Variants in ZFPM2 observed in about 807,000 individuals in gnomAD.
ZFPM2 encodes the protein zinc finger protein ZFPM2.
Under a neutral mutation model 98.6 loss-of-function variants are expected in ZFPM2, and 20 were observed. The observed-to-expected ratio is 0.20, with a 90% confidence interval of 0.14 to 0.29. The LOEUF is 0.29. Among genes scored for constraint, ZFPM2 ranks in the 10% least tolerant of loss-of-function variants. The probability of loss-of-function intolerance (pLI) is 1.00; values close to 1 mark genes in which losing one functional copy is unlikely to be tolerated. For synonymous variants in ZFPM2, 518 were observed against 502.7 expected, an observed-to-expected ratio of 1.03 and a Z score of -0.41; for missense variants, 1,310 against 1,388.6, an observed-to-expected ratio of 0.94 and a Z score of 0.90.
At chr8:105,675,937 T>TA (rs1458163161) in intron 5 of ZFPM2, 1 of 152,178 alleles carries the variant, frequency 6.6e-6, no homozygotes, top group Non-Finnish European at 1.5e-5. Context: ...GTCACACAGT[T>TA]AGCAAAATGT....
At chr8:105,377,821 A>G (rs1257695022) in intron 1 of ZFPM2, among the ~76,000 whole-genome samples, 1 of 151,950 alleles carries the variant, frequency 6.6e-6, no homozygotes, top group Non-Finnish European at 1.5e-5. Flanking sequence ...ATGAATAGAT[A>G]TTTGGATACC....
intron 1 of ZFPM2, among the ~76,000 whole-genome samples, chr8:105,353,280 C>CT (rs1333909979): frequency 2.0e-5 from 3 of 152,146 alleles, no homozygotes; most frequent in African/African-American, 7.2e-5. Flanking sequence ...TCAATTCACT[C>CT]TGTGTTCTGT....
chr8:105,495,058 A>C (rs1813433876), intron 3 of ZFPM2, among the ~76,000 whole-genome samples: 1 of 152,214 alleles, frequency 6.6e-6, no homozygotes, highest in Non-Finnish European at 1.5e-5. Flanking sequence ...GCTATACAAA[A>C]AAAGGCAGTG....
intron 3 of ZFPM2, among the ~76,000 whole-genome samples, chr8:105,560,504 A>G (rs1003734025): frequency 1.3e-5 from 2 of 151,830 alleles, no homozygotes; most frequent in Admixed American, 1.3e-4. Flanking sequence ...TAATTATTTT[A>G]AAGACAGGCT....
chr8:105,539,912 G>T (rs1233948663), intron 3 of ZFPM2, among the ~76,000 whole-genome samples: 1 of 151,862 alleles, frequency 6.6e-6, no homozygotes, highest in Non-Finnish European at 1.5e-5. Context: ...AAAGAATTTG[G>T]GCTTCATGTA....
chr8:105,543,147 G>A (rs1814615995), intron 3 of ZFPM2, among the ~76,000 whole-genome samples: 1 of 152,118 alleles, frequency 6.6e-6, no homozygotes, highest in Admixed American at 6.6e-5. Flanking sequence ...AAATCTCCTG[G>A]ATTAAAGTCG....
intron 1 of ZFPM2, among the ~76,000 whole-genome samples, chr8:105,371,015 T>C (rs1269653863): frequency 6.6e-6 from 1 of 152,236 alleles, no homozygotes; most frequent in South Asian, 2.1e-4. Flanking sequence ...CTACTGACTC[T>C]GTGATGCTAA....
chr8:105,747,899 G>A (rs533072713), intron 5 of ZFPM2, among the ~76,000 whole-genome samples: 9 of 152,172 alleles, frequency 5.9e-5, no homozygotes, highest in South Asian at 4.1e-4. Context: ...TTAATATTTC[G>A]TGGTTGAGCT....
At chr8:105,752,895 A>C (rs533718969) in intron 5 of ZFPM2, among the ~76,000 whole-genome samples, 1 of 152,154 alleles carries the variant, frequency 6.6e-6, no homozygotes, top group Non-Finnish European at 1.5e-5. Context: ...CAGTTTGTAC[A>C]AGGTTTTCAA....
chr8:105,526,838 T>G (rs1056551239), intron 3 of ZFPM2, among the ~76,000 whole-genome samples: 2 of 152,206 alleles, frequency 1.3e-5, no homozygotes, highest in Non-Finnish European at 2.9e-5. Context: ...TGTAAATTCA[T>G]AGCTGGGCAT....
At position 105,620,493 on chromosome 8, in the gene ZFPM2, TC is replaced by T. The variant is rs1816515898; in HGVS notation, c.421-13752del. On this transcript the variant is annotated intron_variant, in intron 4 of 7. Coordinates refer to ENST00000407775, the MANE Select transcript of ZFPM2 (RefSeq NM_012082.4). ...CCCATTCTGTAGGTTGTCTGTTCAC[TC>T]TGATGGTAGTTTCTTTTGTTGTGCA... 8.5e-5 allele frequency among the ~76,000 whole-genome samples: 13 copies of T among 152,342 alleles called. No homozygotes were observed. In the South Asian group the frequency reaches 2.7e-3, roughly 32 times the overall value.
At chr8:105,768,195 C>T (rs1362736724) in intron 5 of ZFPM2, among the ~76,000 whole-genome samples, 1 of 151,258 alleles carries the variant, frequency 6.6e-6, no homozygotes, top group Non-Finnish European at 1.5e-5. Context: ...TCCTTCATTA[C>T]CATTTGTAGA....
chr8:105,802,410 C>T lies in ZFPM2; in HGVS notation c.2328C>T (p.Pro776=), dbSNP rs756454547. 1.2e-6 allele frequency: 2 copies of T among 1,613,746 alleles called. No homozygotes were observed. Among genetic ancestry groups the T allele is most frequent in the Admixed American group, 3.3e-5 (2 of 59,990 alleles). ...LNNPCTSTQE[P]TEGLGECYHP... ...ATCCTTGTACCTCCACTCAAGAACC[C>T]ACAGAAGGGCTAGGAGAGTGCTACC... is the stretch of plus-strand genomic sequence containing the variant. Residue 776 remains proline (P), a synonymous_variant, in exon 8 of 8, where the codon CCC becomes CCT. Transcript: ENST00000407775.
At chr8:105,496,176 A>T (rs564217091) in intron 3 of ZFPM2, among the ~76,000 whole-genome samples, 185 of 152,004 alleles carry the variant, frequency 1.2e-3, no homozygotes, top group African/African-American at 4.0e-3. Context: ...ATTTATTTAT[A>T]TATTTATTTT....
intron 5 of ZFPM2, among the ~76,000 whole-genome samples, chr8:105,651,586 AT>A (rs1312077559): frequency 6.6e-6 from 1 of 152,082 alleles, no homozygotes; most frequent in Non-Finnish European, 1.5e-5. Context: ...ACCATTAAAT[AT>A]TTAGTGTGTA....
rs1176381561 is a variant in ZFPM2, at chr8:105,341,417, TAAC to T, written c.40+22439_40+22441del. 4.6e-5 allele frequency among the ~76,000 whole-genome samples: 7 copies of T among 151,824 alleles called. No individual in the cohort carries two copies. The Admixed American group carries it at 4.6e-4, about 10-fold the overall frequency. On this transcript the variant is annotated intron_variant, in intron 1 of 7. Coordinates refer to ENST00000407775, the MANE Select transcript of ZFPM2 (RefSeq NM_012082.4). ...TGATATTATACAATATATGTAATAT[TAAC>T]AATGTAATACTTTATTATAATACAA...
At chr8:105,548,836 A>G (rs1455432393) in intron 3 of ZFPM2, among the ~76,000 whole-genome samples, 1 of 152,166 alleles carries the variant, frequency 6.6e-6, no homozygotes, top group Non-Finnish European at 1.5e-5. Flanking sequence ...TAAGTCACAT[A>G]AGGAAAAAGT....
At chr8:105,800,495 A>C (rs2131174238) in intron 7 of ZFPM2, among the ~76,000 whole-genome samples, 1 of 152,150 alleles carries the variant, frequency 6.6e-6, no homozygotes, top group Non-Finnish European at 1.5e-5. Context: ...CTACTGCATA[A>C]AATTTTAAAT....
intron 5 of ZFPM2, among the ~76,000 whole-genome samples, chr8:105,640,942 C>G (rs1170507660): frequency 6.6e-6 from 1 of 151,892 alleles, no homozygotes; most frequent in East Asian, 1.9e-4. Flanking sequence ...TTACAGTATT[C>G]TTGAAAGAGG....
Sources: gnomAD v4.1 joint callset for allele counts (sites outside exome capture counted in the v4.1 genomes callset) on GRCh38, gnomAD v4.1.1 for gene constraint, MANE v1.5 for transcripts, NCBI Gene and HGNC (gene_info 2026-07-23, HGNC 2026-07-21) for gene names.